Variants in CCDC117 observed in about 807,000 individuals in gnomAD.
CCDC117 encodes coiled-coil domain-containing protein 117.
In CCDC117, 1 loss-of-function variant was observed where a neutral mutation model predicts 23.5. That is an observed-to-expected ratio of 0.04 (90% CI 0.02 to 0.20). The LOEUF is 0.20. Among genes scored for constraint, CCDC117 ranks in the 10% least tolerant of loss-of-function variants. The pLI is 1.00. For synonymous variants in CCDC117, 132 were observed against 124.8 expected (o/e 1.06, Z -0.39); for missense variants, 383 against 348.2 (o/e 1.10, Z -0.80).
At position 28,781,496 on chromosome 22, in the gene CCDC117, G is replaced by A. The variant is rs1427495001; in HGVS notation, c.464+324G>A. Among the ~76,000 whole-genome samples, 7 of 84,620 alleles carry A rather than the reference G, an allele frequency of 8.3e-5. 2 individuals carry two copies. Among genetic ancestry groups the A allele is most frequent in the Admixed American group, 4.1e-4 (4 of 9,828 alleles). The allele number at this position is 84,620 out of a possible 152,430, so 55.5% of individuals were successfully genotyped here. On this transcript the variant is annotated intron_variant, in intron 3 of 4. Transcript: ENST00000249064. ...CTCCCAAGTAGCTGGGACTACAGGC[G>A]CCCGCCACTACGCCCGGCTAATTTT...
intron 3 of CCDC117, among the ~76,000 whole-genome samples, chr22:28,783,156 C>T (rs567494913): frequency 6.6e-6 from 1 of 152,234 alleles, no homozygotes; most frequent in South Asian, 2.1e-4. Flanking sequence ...ATTCTCCTGC[C>T]TCAGCCTCCT....
chr22:28,779,108 A>G (rs948808816), intron 2 of CCDC117, among the ~76,000 whole-genome samples: 1 of 152,132 alleles, frequency 6.6e-6, no homozygotes, highest in African/African-American at 2.4e-5. Context: ...AACTGTAGGC[A>G]CACACCACGA....
rs2031562605 is a variant in CCDC117 at position 28,787,823 on chromosome 22, G to A, written c.*1497G>A. 6.6e-6 allele frequency: 1 copy of A among 152,248 alleles called. No individual in the cohort carries two copies. Among genetic ancestry groups the A allele is most frequent in the African/African-American group, 2.4e-5 (1 of 41,432 alleles). The allele number at this position is 152,248 out of a possible 1,614,324, so 9.4% of individuals were successfully genotyped here. ...CATCACACAACAGGACACCACCCCA[G>A]TTTTGTTTTCTGGGTTTCTTCCCCC... On this transcript the variant is annotated 3_prime_UTR_variant, in exon 5 of 5. Transcript: ENST00000249064.
chr22:28,772,930 C>G lies in CCDC117; in HGVS notation c.81C>G (p.Phe27Leu). ...SDFLQPPQPA[F>L]PGRAFPPGAD... Reference sequence around the variant, plus strand: ...TCCTGCAGCCGCCGCAGCCGGCCTTCCCCGGCCGGGCCTTCCCGCCGGGGG... The same window carrying G: ...TCCTGCAGCCGCCGCAGCCGGCCTTGCCCGGCCGGGCCTTCCCGCCGGGGG... Residue 27 changes from phenylalanine to leucine, a missense_variant, in exon 1 of 5, where the codon TTC (phenylalanine) becomes TTG (leucine). Transcript: ENST00000249064. 2 of 1,223,660 alleles carry G rather than the reference C, an allele frequency of 1.6e-6. No individual in the cohort carries two copies. The highest frequency in any genetic ancestry group is 2.0e-6 in the Non-Finnish European group (2 of 982,376). 75.8% of individuals were successfully genotyped at this position (1,223,660 alleles called of 1,614,324 possible).
chr22:28,775,901 A>G (rs192007357), intron 2 of CCDC117, among the ~76,000 whole-genome samples: 2 of 152,290 alleles, frequency 1.3e-5, no homozygotes, highest in Admixed American at 6.5e-5. Context: ...TCCCAAAAAA[A>G]GAAAAGTAAA....
At chr22:28,783,857 C>T (rs889036433) in intron 4 of CCDC117, among the ~76,000 whole-genome samples, 1 of 152,104 alleles carries the variant, frequency 6.6e-6, no homozygotes, top group Non-Finnish European at 1.5e-5. Flanking sequence ...CCTACTTACT[C>T]TTTGGTTCCT....
intron 2 of CCDC117, among the ~76,000 whole-genome samples, chr22:28,779,069 T>A (rs1443845417): frequency 2.0e-5 from 3 of 152,042 alleles, no homozygotes; most frequent in African/African-American, 7.2e-5. Context: ...GCTCAAGTGA[T>A]CTCCTCCCTC....
rs2031302593 is a variant in CCDC117 at position 28,781,119 on chromosome 22, T to G, written c.411T>G (p.Thr137=). 5 of 1,613,852 alleles carry G rather than the reference T, an allele frequency of 3.1e-6. No homozygotes were observed. The South Asian group carries it at 5.5e-5, about 18-fold the overall frequency. Residue 137 remains threonine (T), a synonymous_variant, in exon 3 of 5, where the codon ACT becomes ACG. Transcript: ENST00000249064. Reference sequence around the variant, plus strand: ...TTTGTGAAGAAATGGATCAGACAACTGGAGAACCACAGTGTGAAGTTGCCC... The same window carrying G: ...TTTGTGAAGAAATGGATCAGACAACGGGAGAACCACAGTGTGAAGTTGCCC... ...DVICEEMDQT[T]GEPQCEVARR... is the part of the protein sequence containing the mutation.
At chr22:28,782,198 A>G (rs1041650041) in intron 3 of CCDC117, among the ~76,000 whole-genome samples, 1 of 149,382 alleles carries the variant, frequency 6.7e-6, no homozygotes, top group African/African-American at 2.5e-5. Flanking sequence ...TCGGCATCCC[A>G]AAGTGCTGGG....
chr22:28,786,867 T>A lies in CCDC117; in HGVS notation c.*541T>A, dbSNP rs1873193851. ...TAGCAACTTGTAATTTAGTTATCAA[T>A]TCAATATAGCTCTGTTGATTAAATA... On this transcript the variant is annotated 3_prime_UTR_variant, in exon 5 of 5. Coordinates refer to ENST00000249064, the MANE Select transcript of CCDC117 (RefSeq NM_173510.4). The A allele has an allele frequency of 6.5e-6, 1 of 153,370 alleles. No homozygotes were observed. The highest frequency in any genetic ancestry group is 6.5e-5 in the Admixed American group (1 of 15,398). 9.5% of individuals were successfully genotyped at this position (153,370 alleles called of 1,614,324 possible).
intron 2 of CCDC117, among the ~76,000 whole-genome samples, chr22:28,776,548 G>A (rs1020658687): frequency 6.6e-6 from 1 of 151,336 alleles, no homozygotes; most frequent in Admixed American, 6.6e-5. Context: ...ATCCTCCCAA[G>A]TAGCTGGGAT....
intron 2 of CCDC117, among the ~76,000 whole-genome samples, chr22:28,774,563 A>G (rs933290805): frequency 1.5e-4 from 23 of 151,614 alleles, no homozygotes; most frequent in Admixed American, 6.6e-4. Context: ...TTTTGTAGAG[A>G]TGGTGTCTCA....
chr22:28,789,108 TAAG>T lies in CCDC117; in HGVS notation c.*2788_*2790del, dbSNP rs35624140. The T allele has an allele frequency of 0.11, 17,380 of 152,050 alleles. 1,141 individuals carry two copies. The highest frequency in any genetic ancestry group is 0.28 in the South Asian group (1,346 of 4,816). The allele number at this position is 152,050 out of a possible 1,614,324, so 9.4% of individuals were successfully genotyped here. ...ATAACTAAAGTAGGGGCTGGAACCATAAGAAGAATGTTTATCAGCACGTTCATT... is the reference window on the plus strand; with the variant it reads ...ATAACTAAAGTAGGGGCTGGAACCATAAGAATGTTTATCAGCACGTTCATT... On this transcript the variant is annotated 3_prime_UTR_variant, in exon 5 of 5. Coordinates refer to ENST00000249064, the MANE Select transcript of CCDC117 (RefSeq NM_173510.4).
intron 2 of CCDC117, among the ~76,000 whole-genome samples, chr22:28,780,083 A>G (rs2031274741): frequency 6.6e-6 from 1 of 152,236 alleles, no homozygotes; most frequent in Non-Finnish European, 1.5e-5. Context: ...CTGGTCCTCA[A>G]GATAAACTCA....
chr22:28,781,097 G>A lies in CCDC117; in HGVS notation c.389G>A (p.Cys130Tyr). 1 of 1,613,990 alleles carries A rather than the reference G, an allele frequency of 6.2e-7. No individual in the cohort carries two copies. Among genetic ancestry groups the A allele is most frequent in the South Asian group, 1.1e-5 (1 of 91,082 alleles). Residue 130 changes from cysteine to tyrosine, a missense_variant, in exon 3 of 5, where the codon TGT (cysteine) becomes TAT (tyrosine). Cys to Tyr is a radical substitution (Grantham distance 194). Transcript: ENST00000249064. ...LSIPGILDVI[C>Y]EEMDQTTGEP... The stretch of plus-strand genomic sequence containing the variant: ...ATACCTGGGATATTAGATGTTATTT[G>A]TGAAGAAATGGATCAGACAACTGGA...
At chr22:28,775,218 G>A (rs776718467) in intron 2 of CCDC117, among the ~76,000 whole-genome samples, 5 of 152,108 alleles carry the variant, frequency 3.3e-5, no homozygotes, top group Non-Finnish European at 7.4e-5. Flanking sequence ...CCAAGATTGC[G>A]CCATTGCACT....
chr22:28,777,450 T>A (rs1172628599), intron 2 of CCDC117, among the ~76,000 whole-genome samples: 1 of 152,180 alleles, frequency 6.6e-6, no homozygotes, highest in East Asian at 1.9e-4. Flanking sequence ...TTAAAGAAGT[T>A]TAGATTGTGA....
Position 28,787,819 on chromosome 22 carries a change from C to T in CCDC117, c.*1493C>T, listed in dbSNP as rs1178579162. 1 of 152,238 alleles carries T rather than the reference C, an allele frequency of 6.6e-6. No individual in the cohort carries two copies. The highest frequency in any genetic ancestry group is 1.5e-5 in the Non-Finnish European group (1 of 68,012). The allele number at this position is 152,238 out of a possible 1,614,324, so 9.4% of individuals were successfully genotyped here. ...CTTCCATCACACAACAGGACACCAC[C>T]CCAGTTTTGTTTTCTGGGTTTCTTC... On this transcript the variant is annotated 3_prime_UTR_variant, in exon 5 of 5. Coordinates refer to ENST00000249064, the MANE Select transcript of CCDC117 (RefSeq NM_173510.4).
Position 28,788,990 on chromosome 22 carries a change from GT to G in CCDC117, c.*2665del, listed in dbSNP as rs2031597125. 3.2e-5 allele frequency: 3 copies of G among 94,376 alleles called. No individual in the cohort carries two copies. The highest frequency in any genetic ancestry group is 1.3e-4 in the African/African-American group (3 of 23,274). The allele number at this position is 94,376 out of a possible 1,614,324, so 5.8% of individuals were successfully genotyped here. On this transcript the variant is annotated 3_prime_UTR_variant, in exon 5 of 5. Transcript: ENST00000249064. ...TTTTTTGGGTTTTTTTTTTTTTTTT[GT>G]AATTATATGAAGAAAGTCCAGTTCT...
Sources: allele counts gnomAD v4.1 joint callset (sites outside exome capture counted in the v4.1 genomes callset), GRCh38; gene constraint gnomAD v4.1.1; transcripts MANE v1.5; gene names NCBI Gene and HGNC (gene_info 2026-07-23, HGNC 2026-07-21).